Variants in CDH22 observed in about 807,000 individuals in gnomAD.
CDH22 encodes cadherin-22.
In CDH22, 30 loss-of-function variants were observed where a neutral mutation model predicts 58.4. The ratio of observed to expected loss-of-function variants is 0.51; its 90% CI spans 0.38 to 0.70. CDH22 has a LOEUF of 0.70. Among genes scored for constraint, CDH22 ranks in the 30% least tolerant of loss-of-function variants. The pLI is 0.00. For synonymous variants in CDH22, 513 were observed against 558.2 expected (o/e 0.92, Z 1.14); for missense variants, 1,014 against 1,233.9 (o/e 0.82, Z 2.67).
At chr20:46,224,967 T>G (rs990458962) in intron 4 of CDH22, among the ~76,000 whole-genome samples, 2 of 152,234 alleles carry the variant, frequency 1.3e-5, no homozygotes, top group African/African-American at 2.4e-5. Flanking sequence ...CTCCAGGGCC[T>G]CCCTGCCTCT....
chr20:46,288,556 C>T (rs2086586171), intron 1 of CDH22, among the ~76,000 whole-genome samples: 2 of 152,134 alleles, frequency 1.3e-5, no homozygotes, highest in South Asian at 2.1e-4. Context: ...ATATCTAAAA[C>T]GCCCTTCAAA....
chr20:46,183,990 GT>G (rs1419452652), intron 10 of CDH22, among the ~76,000 whole-genome samples: 4 of 152,102 alleles, frequency 2.6e-5, no homozygotes, highest in Non-Finnish European at 4.4e-5. Context: ...TGGGGTGGTC[GT>G]TTTCTCTCAT....
At chr20:46,178,242 C>A in intron 10 of CDH22, 45 bp from the exon 11 acceptor site, 1 of 1,587,328 alleles carries the variant, frequency 6.3e-7, no homozygotes, top group South Asian at 1.1e-5. Flanking sequence ...GGCCGGGGGT[C>A]AGCATCCTTG....
chr20:46,242,780 C>T (rs899879064), intron 2 of CDH22, among the ~76,000 whole-genome samples: 3 of 152,158 alleles, frequency 2.0e-5, no homozygotes, highest in Non-Finnish European at 4.4e-5. Flanking sequence ...TGGAAATAAG[C>T]CCTGTCTGAG....
chr20:46,174,529 C>G lies in CDH22; in HGVS notation c.2464G>C (p.Asp822His). Reference protein sequence around the residue: ...LAALYAGHRGDDEAQAS With the variant: ...LAALYAGHRGHDEAQAS ...GGCTAGGAGGCCTGGGCCTCGTCGT[C>G]CCCGCGGTGGCCGGCGTAGAGCGCG... The change falls in exon 12 of 12, where the codon GAC becomes CAC. Residue 822 changes from aspartate to histidine, a missense_variant. Asp to His is a moderately conservative substitution (Grantham distance 81). This residue lies in a region of CDH22 where 208 missense variants were observed against 195.2 expected (regional missense o/e 1.07). Coordinates refer to ENST00000537909, the MANE Select transcript of CDH22 (RefSeq NM_021248.3). The surrounding 1 kb of genome is among the most constrained non-coding windows in gnomAD (Gnocchi z 4.4). 2.0e-6 allele frequency: 3 copies of G among 1,516,836 alleles called. No homozygotes were observed. Among genetic ancestry groups the G allele is most frequent in the Admixed American group, 2.0e-5 (1 of 49,276 alleles). 94.0% of individuals were successfully genotyped at this position (1,516,836 alleles called of 1,614,324 possible).
intron 1 of CDH22, among the ~76,000 whole-genome samples, chr20:46,257,032 G>T (rs1397204636): frequency 6.6e-6 from 1 of 151,520 alleles, no homozygotes. Context: ...AAAAGGCCAG[G>T]CATGGTGGCT....
At position 46,210,337 on chromosome 20, in the gene CDH22, C is replaced by A; in HGVS notation, c.1256G>T (p.Arg419Leu). The change falls in exon 7 of 12, where the codon CGG becomes CTG. Residue 419 changes from arginine to leucine, a missense_variant. Physicochemically the swap from Arg to Leu is moderately radical, Grantham distance 102. Around this residue, in one of 2 missense-constraint regions of CDH22, gnomAD observed 806 missense variants for 1,038.7 expected, o/e 0.78. Transcript: ENST00000537909. The surrounding 1 kb of genome is among the most constrained non-coding windows in gnomAD (Gnocchi z 4.5). ...GGGCCGGTTGGCGGCGTCGGGGTCC[C>A]GCGCCGTCACCACGCCGACCAGGGA... Reference protein sequence around the residue: ...VGSLVGVVTARDPDAANRPVR... With the variant: ...VGSLVGVVTALDPDAANRPVR... 1 of 1,461,654 alleles carries A rather than the reference C, an allele frequency of 6.8e-7. No individual in the cohort carries two copies. The highest frequency in any genetic ancestry group is 9.0e-7 in the Non-Finnish European group (1 of 1,111,446). The allele number at this position is 1,461,654 out of a possible 1,614,324, so 90.5% of individuals were successfully genotyped here.
Position 46,174,944 on chromosome 20 carries a change from G to T in CDH22, c.2049C>A (p.Tyr683Ter). ...EGGGEQDTEA[Y>*]DMSALRSLYD... ...AGAGGCTCCGCAGCGCCGACATGTCGTAGGCTTCGGTGTCCTGCTCGCCGC... is the reference window on the plus strand; with the variant it reads ...AGAGGCTCCGCAGCGCCGACATGTCTTAGGCTTCGGTGTCCTGCTCGCCGC... Residue 683 changes from tyrosine (Y) to a stop codon, truncating the protein, a stop_gained, in exon 12 of 12, where the codon TAC (tyrosine) becomes TAA (stop). Transcript: ENST00000537909. LOFTEE classifies it low-confidence loss of function (END_TRUNC). The surrounding 1 kb of genome is among the most constrained non-coding windows in gnomAD (Gnocchi z 4.4). 6.3e-7 allele frequency: 1 copy of T among 1,598,280 alleles called. No individual in the cohort carries two copies. Among genetic ancestry groups the T allele is most frequent in the Non-Finnish European group, 8.5e-7 (1 of 1,178,480 alleles).
rs1371238057 is a variant in CDH22, at chr20:46,300,369, C to G, written c.-400+7886G>C. On this transcript the variant is annotated intron_variant, in intron 1 of 11. Transcript: ENST00000537909. This position sits in a 1 kb window ranked among gnomAD's most constrained non-coding sequence, Gnocchi z 4.4. Reference sequence around the variant, plus strand: ...GCTTGTCACCTACCCATCATCTTGTCTACCCACTGACCTGGATCCACCTGC... The same window carrying G: ...GCTTGTCACCTACCCATCATCTTGTGTACCCACTGACCTGGATCCACCTGC... Among the ~76,000 whole-genome samples the G allele has an allele frequency of 1.3e-5, 2 of 152,176 alleles. No individual in the cohort carries two copies. The highest frequency in any genetic ancestry group is 2.9e-5 in the Non-Finnish European group (2 of 68,036).
intron 7 of CDH22, among the ~76,000 whole-genome samples, chr20:46,200,128 C>T (rs555206478): frequency 2.0e-5 from 3 of 152,064 alleles, no homozygotes; most frequent in African/African-American, 7.2e-5. Context: ...TGCCCGCCAC[C>T]ACGCCCGGCT....
At chr20:46,304,535 A>G (rs2086666080) in intron 1 of CDH22, among the ~76,000 whole-genome samples, 1 of 152,268 alleles carries the variant, frequency 6.6e-6, no homozygotes, top group South Asian at 2.1e-4. Flanking sequence ...TATTATGCAC[A>G]GGAAAGAGCT....
At position 46,174,271 on chromosome 20, in the gene CDH22, C is replaced by G; in HGVS notation, c.*235G>C. ...ACCCCAGAGCCACACCGTGCCCGGT[C>G]TCGCCTCAGTTTTAATGCCGTTGGT... On this transcript the variant is annotated 3_prime_UTR_variant, in exon 12 of 12. Transcript: ENST00000537909. This position sits in a 1 kb window ranked among gnomAD's most constrained non-coding sequence, Gnocchi z 4.4. The G allele has an allele frequency of 6.1e-6, 3 of 492,056 alleles. No homozygotes were observed. The highest frequency in any genetic ancestry group is 1.1e-5 in the Non-Finnish European group (3 of 283,118). 30.5% of individuals were successfully genotyped at this position (492,056 alleles called of 1,614,324 possible).
intron 4 of CDH22, among the ~76,000 whole-genome samples, chr20:46,226,261 TCTTCTTCTTCTTCTTCTTCTTCTTCTTC>T (rs1323864769): frequency 0.035 from 2,793 of 78,682 alleles, 312 homozygotes; most frequent in Middle Eastern, 0.085. Context: ...TTCTTCTTCT[TCTTCTTCTTCTTCTTCTTCTTCTTCTTC>T]TTCTTTTTTT....
At position 46,241,034 on chromosome 20, in the gene CDH22, T is replaced by G; in HGVS notation, c.479A>C (p.Asp160Ala). 6.2e-7 allele frequency: 1 copy of G among 1,614,106 alleles called. No homozygotes were observed. The highest frequency in any genetic ancestry group is 8.5e-7 in the Non-Finnish European group (1 of 1,180,018). ...GAAGCGGGGCTCACTGTCATTGATG[T>G]CCTGCACCTTGATGATGAACTCCGA... is the stretch of plus-strand genomic sequence containing the variant. ...PESEFIIKVQDINDSEPRFLH... is the reference protein window; with the variant it reads ...PESEFIIKVQAINDSEPRFLH... The change falls in exon 3 of 12, where the codon GAC (aspartate) becomes GCC (alanine). Residue 160 changes from aspartate (D) to alanine (A), a missense_variant. This residue lies in a region of CDH22 where 806 missense variants were observed against 1,038.7 expected (regional missense o/e 0.78). Transcript: ENST00000537909. This position sits in a 1 kb window ranked among gnomAD's most constrained non-coding sequence, Gnocchi z 5.2.
intron 3 of CDH22, among the ~76,000 whole-genome samples, chr20:46,236,869 A>G (rs2086257225): frequency 6.6e-6 from 1 of 151,530 alleles, no homozygotes; most frequent in South Asian, 2.1e-4. Context: ...TTTTTTTCGT[A>G]TTTTAGTAGA....
At chr20:46,228,942 C>A (rs979769409) in intron 3 of CDH22, among the ~76,000 whole-genome samples, 1 of 152,240 alleles carries the variant, frequency 6.6e-6, no homozygotes, top group Non-Finnish European at 1.5e-5. Flanking sequence ...TCCAGACAGA[C>A]ACATGTATTT....
rs979242400 is a variant in CDH22, at chr20:46,208,585, TTTAA to T, written c.1286+1718_1286+1721del. Among the ~76,000 whole-genome samples, 6 of 152,112 alleles carry T rather than the reference TTTAA, an allele frequency of 3.9e-5. No homozygotes were observed. In the East Asian group the frequency reaches 7.7e-4, roughly 20 times the overall value. ...TCTTTATTTTTATTTTTTAGTTTAT[TTTAA>T]TTAATTAATTAATTTATTTATTTTG... On this transcript the variant is annotated intron_variant, in intron 7 of 11. Transcript: ENST00000537909.
At chr20:46,268,983 A>G (rs2086474881) in intron 1 of CDH22, among the ~76,000 whole-genome samples, 1 of 152,154 alleles carries the variant, frequency 6.6e-6, no homozygotes, top group South Asian at 2.1e-4. Context: ...CCCTGCTTAC[A>G]TTCCCCTAGT....
intron 1 of CDH22, among the ~76,000 whole-genome samples, chr20:46,286,395 G>C (rs2086576995): frequency 6.6e-6 from 1 of 152,142 alleles, no homozygotes; most frequent in Admixed American, 6.5e-5. Flanking sequence ...CACCCCATTA[G>C]CGCTGCTTTA....
Sources: allele counts gnomAD v4.1 joint callset (sites outside exome capture counted in the v4.1 genomes callset), GRCh38; gene constraint gnomAD v4.1.1; regional missense constraint gnomAD v4.1.1; non-coding constraint Gnocchi (gnomAD v3.1); transcripts MANE v1.5; gene names NCBI Gene and HGNC (gene_info 2026-07-23, HGNC 2026-07-21).